The following LARGE1 variants were observed in gnomAD, a reference collection of about 807,000 sequenced individuals.
LARGE1 encodes the protein LARGE xylosyl- and glucuronyltransferase 1.
Under a neutral mutation model 87.6 loss-of-function variants are expected in LARGE1, and 43 were observed. That is an observed-to-expected ratio of 0.49 (90% CI 0.38 to 0.63). The LOEUF (loss-of-function observed/expected upper bound fraction) is 0.63, where lower values mean the gene tolerates loss of function less well. LARGE1 is among the 30% of genes least tolerant of loss of function. The pLI, the probability that LARGE1 is intolerant of heterozygous loss-of-function variation, is 0.00. For missense variants in LARGE1, 802 were observed against 1,000.2 expected (o/e 0.80, Z 2.67); for synonymous variants, 434 against 394.6 (o/e 1.10, Z -1.18).
At chr22:33,729,455 T>A (rs1478058637) in intron 2 of LARGE1, among the ~76,000 whole-genome samples, 2 of 152,212 alleles carry the variant, frequency 1.3e-5, no homozygotes, top group Non-Finnish European at 2.9e-5. Flanking sequence ...TTCCAGAAGA[T>A]GAGGAATCAA....
chr22:33,315,841 G>A (rs1172775455), intron 11 of LARGE1, among the ~76,000 whole-genome samples: 1 of 152,098 alleles, frequency 6.6e-6, no homozygotes, highest in Admixed American at 6.5e-5. Context: ...TGTTGGCCAG[G>A]CTGGTCTAGA....
intron 11 of LARGE1, among the ~76,000 whole-genome samples, chr22:33,258,683 A>G (rs1349568322): frequency 2.0e-5 from 3 of 152,200 alleles, no homozygotes; most frequent in African/African-American, 7.2e-5. Context: ...ATTTTGTTTT[A>G]AAGATAATAT....
intron 7 of LARGE1, 65 bp downstream of exon 7, chr22:33,432,096 C>A (rs553755165): frequency 6.2e-6 from 8 of 1,299,674 alleles, no homozygotes; most frequent in African/African-American, 1.5e-5. Context: ...TCCTCTCCTG[C>A]GGAAGGAGCA....
At chr22:33,265,366 C>T (rs896150563) in intron 11 of LARGE1, among the ~76,000 whole-genome samples, 1 of 152,200 alleles carries the variant, frequency 6.6e-6, no homozygotes, top group Non-Finnish European at 1.5e-5. Context: ...GGCTATCCAT[C>T]TCCAGCTATC....
At chr22:33,171,453 AG>A (rs1241523409) in intron 11 of LARGE1, among the ~76,000 whole-genome samples, 1 of 152,236 alleles carries the variant, frequency 6.6e-6, no homozygotes, top group Non-Finnish European at 1.5e-5. Flanking sequence ...CCTTCACAGC[AG>A]CCCCTCCCAT....
chr22:33,340,118 TACGC>T lies in LARGE1; in HGVS notation c.1132-2321_1132-2318del, dbSNP rs570810137. Among the ~76,000 whole-genome samples, 433 of 150,424 alleles carry T rather than the reference TACGC, an allele frequency of 2.9e-3. 16 individuals are homozygous for T. Among genetic ancestry groups the T allele is most frequent in the African/African-American group, 0.011 (422 of 39,806 alleles). Reference sequence around the variant, plus strand: ...ACATAATTTGTATTAGTTTATTTAATACGCACAACAGGCCTATGGGGCAGCATGA... The same window carrying T: ...ACATAATTTGTATTAGTTTATTTAATACAACAGGCCTATGGGGCAGCATGA... On this transcript the variant is annotated intron_variant, in intron 9 of 14. Coordinates refer to ENST00000397394, the MANE Select transcript of LARGE1 (RefSeq NM_133642.5).
intron 6 of LARGE1, among the ~76,000 whole-genome samples, chr22:33,483,730 T>C (rs561994336): frequency 7.9e-5 from 12 of 152,320 alleles, no homozygotes; most frequent in African/African-American, 2.4e-4. Flanking sequence ...TTAAATTATC[T>C]TCACTCTGTT....
intron 1 of LARGE1, among the ~76,000 whole-genome samples, chr22:33,840,429 A>T (rs904863260): frequency 6.6e-6 from 1 of 152,206 alleles, no homozygotes; most frequent in Non-Finnish European, 1.5e-5. Flanking sequence ...CTTTGGCAAA[A>T]TACTGAGAGT....
intron 5 of LARGE1, among the ~76,000 whole-genome samples, chr22:33,588,447 GACA>G (rs1448818139): frequency 6.6e-6 from 1 of 152,164 alleles, no homozygotes; most frequent in Non-Finnish European, 1.5e-5. Flanking sequence ...TAGTGAACTA[GACA>G]ACCTCAAAAC....
intron 1 of LARGE1, among the ~76,000 whole-genome samples, chr22:33,893,748 T>A (rs908030255): frequency 5.9e-5 from 9 of 152,174 alleles, no homozygotes; most frequent in African/African-American, 1.7e-4. Context: ...ACTCACAAGG[T>A]GTTTGCAATC....
In LARGE1 at chr22:33,337,805, G is replaced by T; in HGVS notation, c.1132-4C>A. 1.2e-6 allele frequency: 2 copies of T among 1,614,124 alleles called. No individual in the cohort carries two copies. The highest frequency in any genetic ancestry group is 2.7e-5 in the African/African-American group (2 of 75,038). ...TGGGGGAGTTCCAGTGAATGACCTGGCAGGGAGATAAGGAAGTGGTCAGGT... is the reference window on the plus strand; with the variant it reads ...TGGGGGAGTTCCAGTGAATGACCTGTCAGGGAGATAAGGAAGTGGTCAGGT... On this transcript the variant is annotated splice_polypyrimidine_tract_variant and splice_region_variant and intron_variant, in intron 9 of 14. Transcript: ENST00000397394.
At chr22:33,137,966 A>C in the LARGE1 span, among the ~76,000 whole-genome samples, 1 of 152,232 alleles carries the variant, frequency 6.6e-6, no homozygotes, top group Admixed American at 6.5e-5. Flanking sequence ...CCCCACACAG[A>C]GTCCCCAGTG....
intron 6 of LARGE1, among the ~76,000 whole-genome samples, chr22:33,560,888 T>C (rs1448839036): frequency 1.3e-5 from 2 of 151,936 alleles, no homozygotes; most frequent in African/African-American, 4.8e-5. Flanking sequence ...CATCTCGGCT[T>C]ACTGCAAGCT....
intron 1 of LARGE1, among the ~76,000 whole-genome samples, chr22:33,904,221 G>C (rs2065368388): frequency 6.6e-6 from 1 of 151,724 alleles, no homozygotes; most frequent in African/African-American, 2.4e-5. Context: ...CTGTCGCCAG[G>C]CTGGGCTCAC....
At chr22:33,438,547 G>A (rs1431015006) in intron 6 of LARGE1, among the ~76,000 whole-genome samples, 1 of 152,164 alleles carries the variant, frequency 6.6e-6, no homozygotes, top group African/African-American at 2.4e-5. Flanking sequence ...TGGTGTTGGT[G>A]TCACCAGCCA....
intron 13 of LARGE1, among the ~76,000 whole-genome samples, chr22:33,278,268 G>C (rs753093431): frequency 4.0e-4 from 61 of 152,108 alleles, no homozygotes; most frequent in Non-Finnish European, 7.5e-4. Context: ...AACGAAAGGA[G>C]AGAAATTCTG....
At chr22:33,197,730 C>A (rs765058038) in intron 11 of LARGE1, among the ~76,000 whole-genome samples, 9 of 152,022 alleles carry the variant, frequency 5.9e-5, no homozygotes, top group Non-Finnish European at 1.2e-4. Flanking sequence ...TCTATATATT[C>A]AATGCACTCC....
intron 1 of LARGE1, among the ~76,000 whole-genome samples, chr22:33,795,678 C>T (rs1195218084): frequency 2.6e-5 from 4 of 152,056 alleles, no homozygotes; most frequent in Non-Finnish European, 4.4e-5. Flanking sequence ...TACTATGCAG[C>T]CCTAAAAAAG....
rs2070473258 is a variant in LARGE1 at position 33,502,169 on chromosome 22, C to T, written c.787+62679G>A. ...CGAGATTGCACCACTGCACTCCAGCCTGGATGGCAGAGTGAGACCCCATCT... is the reference window on the plus strand; with the variant it reads ...CGAGATTGCACCACTGCACTCCAGCTTGGATGGCAGAGTGAGACCCCATCT... On this transcript the variant is annotated intron_variant, in intron 6 of 14. Transcript: ENST00000397394. 2.7e-5 allele frequency among the ~76,000 whole-genome samples: 4 copies of T among 149,950 alleles called. 1 individual carries two copies. The South Asian group carries it at 8.6e-4, about 32-fold the overall frequency.
Sources: allele counts gnomAD v4.1 joint callset (sites outside exome capture counted in the v4.1 genomes callset), GRCh38; gene constraint gnomAD v4.1.1; transcripts MANE v1.5; gene names NCBI Gene and HGNC (gene_info 2026-07-23, HGNC 2026-07-21).